PLCH1: variants seen among roughly 807,000 people sequenced by gnomAD.
PLCH1 encodes the protein phospholipase C eta 1, also known as 1-phosphatidylinositol 4,5-bisphosphate phosphodiesterase eta-1.
A neutral mutation model predicts 126.7 loss-of-function variants in PLCH1; 60 were observed. That is an observed-to-expected ratio of 0.47 (90% CI 0.38 to 0.59). PLCH1 has a LOEUF of 0.59. Among genes scored for constraint, PLCH1 ranks in the 20% least tolerant of loss-of-function variants. The pLI is 0.00. For missense variants in PLCH1, 1,723 were observed against 2,040.0 expected (o/e 0.84, Z 2.99); for synonymous variants, 719 against 734.9 (o/e 0.98, Z 0.35).
At chr3:155,710,834 CAA>C (rs35396005) in intron 1 of PLCH1, among the ~76,000 whole-genome samples, 6,686 of 104,408 alleles carry the variant, frequency 0.064, 158 homozygotes, top group Middle Eastern at 0.16. Flanking sequence ...AACTCTGTCT[CAA>C]AAAAAAAAAA....
chr3:155,491,902 G>T (rs958744739), intron 18 of PLCH1, among the ~76,000 whole-genome samples: 1 of 152,132 alleles, frequency 6.6e-6, no homozygotes, highest in Non-Finnish European at 1.5e-5. Flanking sequence ...GAAATATCTT[G>T]TATTGTTGGT....
chr3:155,617,628 T>C (rs1224259648), intron 2 of PLCH1, among the ~76,000 whole-genome samples: 1 of 152,214 alleles, frequency 6.6e-6, no homozygotes, highest in Non-Finnish European at 1.5e-5. Flanking sequence ...TATGGCAATA[T>C]AGTCATTTGC....
intron 7 of PLCH1, among the ~76,000 whole-genome samples, chr3:155,565,873 T>A (rs1052976031): frequency 8.0e-5 from 12 of 150,924 alleles, no homozygotes; most frequent in African/African-American, 2.9e-4. Context: ...TTTTTTTGCA[T>A]TTTTAGTAGA....
At chr3:155,455,592 A>C (rs1292954851) in intron 21 of PLCH1, among the ~76,000 whole-genome samples, 1 of 152,242 alleles carries the variant, frequency 6.6e-6, no homozygotes, top group South Asian at 2.1e-4. Context: ...TTTGAGAAAT[A>C]TTGGTTCTGG....
chr3:155,705,807 C>T (rs1746612726), intron 1 of PLCH1, among the ~76,000 whole-genome samples: 1 of 152,120 alleles, frequency 6.6e-6, no homozygotes, highest in African/African-American at 2.4e-5. Context: ...AGTAATGAGA[C>T]TTGAAGTCAT....
At chr3:155,668,587 G>A (rs1170357668) in intron 2 of PLCH1, among the ~76,000 whole-genome samples, 3 of 152,042 alleles carry the variant, frequency 2.0e-5, no homozygotes, top group African/African-American at 7.2e-5. Flanking sequence ...GGGTTCAGAG[G>A]GGAAAATAAG....
chr3:155,639,812 T>A (rs1431387829), intron 2 of PLCH1, among the ~76,000 whole-genome samples: 1 of 152,114 alleles, frequency 6.6e-6, no homozygotes, highest in East Asian at 1.9e-4. Flanking sequence ...AGGGGCCTGG[T>A]GGGAGGTGAC....
intron 2 of PLCH1, among the ~76,000 whole-genome samples, chr3:155,683,536 T>A (rs992230740): frequency 6.6e-6 from 1 of 152,166 alleles, no homozygotes; most frequent in African/African-American, 2.4e-5. Context: ...TCTTTGGTAA[T>A]GACTCAGAAA....
chr3:155,470,301 C>T (rs546731021), intron 21 of PLCH1, among the ~76,000 whole-genome samples: 2 of 152,002 alleles, frequency 1.3e-5, no homozygotes, highest in African/African-American at 2.4e-5. Context: ...GGAGCCGATG[C>T]GATCAACTGG....
At chr3:155,521,893 C>A (rs1369501585) in intron 11 of PLCH1, among the ~76,000 whole-genome samples, 9 of 152,108 alleles carry the variant, frequency 5.9e-5, no homozygotes, top group African/African-American at 2.2e-4. Flanking sequence ...AGGGCCAAAC[C>A]AAAGAATCCA....
At chr3:155,581,598 G>A (rs1056120926) in intron 6 of PLCH1, among the ~76,000 whole-genome samples, 4 of 152,094 alleles carry the variant, frequency 2.6e-5, no homozygotes, top group Non-Finnish European at 4.4e-5. Context: ...ACAGATAACA[G>A]ACAAATCAAT....
At chr3:155,650,390 T>A (rs907664260) in intron 2 of PLCH1, among the ~76,000 whole-genome samples, 4 of 152,204 alleles carry the variant, frequency 2.6e-5, no homozygotes, top group African/African-American at 9.6e-5. Context: ...CAGCAACTTG[T>A]ATTACCCCTG....
intron 10 of PLCH1, among the ~76,000 whole-genome samples, chr3:155,541,376 C>G (rs1024811058): frequency 6.6e-6 from 1 of 152,128 alleles, no homozygotes; most frequent in Non-Finnish European, 1.5e-5. Flanking sequence ...TCCCACAAAA[C>G]CTACTGAAAT....
chr3:155,590,609 G>C (rs2108628243), intron 4 of PLCH1, among the ~76,000 whole-genome samples: 1 of 150,122 alleles, frequency 6.7e-6, no homozygotes, highest in Non-Finnish European at 1.5e-5. Flanking sequence ...AATTAGCCTG[G>C]CGTGGTGGCG....
intron 18 of PLCH1, among the ~76,000 whole-genome samples, chr3:155,491,389 G>T (rs547874379): frequency 1.3e-5 from 2 of 151,852 alleles, no homozygotes; most frequent in African/African-American, 4.8e-5. Context: ...TCAGCCTCCC[G>T]AGTAGCTGGG....
At chr3:155,528,016 G>A (rs1382422247) in intron 10 of PLCH1, among the ~76,000 whole-genome samples, 3 of 151,398 alleles carry the variant, frequency 2.0e-5, no homozygotes, top group African/African-American at 7.3e-5. Context: ...CTGACATCAG[G>A]AGTTCAAGAC....
chr3:155,584,850 C>A (rs576969834), intron 5 of PLCH1, among the ~76,000 whole-genome samples: 84 of 152,216 alleles, frequency 5.5e-4, no homozygotes, highest in African/African-American at 2.0e-3. Context: ...TTTGTCCCCC[C>A]CCTTTAGGAT....
At chr3:155,734,710 CTTT>C (rs1226347081) in intron 1 of PLCH1, among the ~76,000 whole-genome samples, 4 of 135,508 alleles carry the variant, frequency 3.0e-5, no homozygotes, top group Admixed American at 7.4e-5. Context: ...TTTTCTTTTT[CTTT>C]TTTTTTTTTT....
At chr3:155,582,996 G>A (rs1425613879) in intron 6 of PLCH1, among the ~76,000 whole-genome samples, 1 of 151,476 alleles carries the variant, frequency 6.6e-6, no homozygotes, top group Non-Finnish European at 1.5e-5. Context: ...AATTACCAAT[G>A]ACCTACCACA....
Sources: allele counts gnomAD v4.1 joint callset (sites outside exome capture counted in the v4.1 genomes callset), GRCh38; gene constraint gnomAD v4.1.1; transcripts MANE v1.5; gene names NCBI Gene and HGNC (gene_info 2026-07-23, HGNC 2026-07-21).